The following XKR4 variants were observed in gnomAD, a reference collection of about 807,000 sequenced individuals.
XKR4 encodes XK related 4.
A neutral mutation model predicts 53.9 loss-of-function variants in XKR4; 12 were observed. The observed-to-expected ratio is 0.22, with a 90% confidence interval of 0.14 to 0.36. The LOEUF is 0.36. Among genes scored for constraint, XKR4 ranks in the 10% least tolerant of loss-of-function variants. The pLI, the probability that XKR4 is intolerant of heterozygous loss-of-function variation, is 1.00. For synonymous variants in XKR4, 354 were observed against 362.4 expected (o/e 0.98, Z 0.26); for missense variants, 799 against 859.5 (o/e 0.93, Z 0.88).
At chr8:55,103,867 A>C (rs867923050) in intron 1 of XKR4, among the ~76,000 whole-genome samples, 7 of 135,092 alleles carry the variant, frequency 5.2e-5, no homozygotes, top group Admixed American at 1.4e-4. Flanking sequence ...ATATATATAT[A>C]TATATATATA....
intron 2 of XKR4, among the ~76,000 whole-genome samples, chr8:55,519,828 T>C (rs1806774929): frequency 6.6e-6 from 1 of 152,332 alleles, no homozygotes; most frequent in Admixed American, 6.5e-5. Context: ...CCATAATGTA[T>C]GCATTTAATC....
At chr8:55,460,233 A>G (rs1252280335) in intron 2 of XKR4, among the ~76,000 whole-genome samples, 3 of 152,200 alleles carry the variant, frequency 2.0e-5, no homozygotes, top group African/African-American at 7.2e-5. Context: ...AGGCAAAACC[A>G]CAGTAACAGA....
Position 55,528,935 on chromosome 8 carries a change from C to G in XKR4, c.*4708C>G, listed in dbSNP as rs10504195. On this transcript the variant is annotated 3_prime_UTR_variant, in exon 3 of 3. Transcript: ENST00000327381. The stretch of plus-strand genomic sequence containing the variant: ...CAGGCCGTGAAATGCCCTGAGCATT[C>G]GAGTGGCATCCCTTCTCCTCACATA... 6.6e-6 allele frequency: 1 copy of G among 150,940 alleles called. No homozygotes were observed. The highest frequency in any genetic ancestry group is 1.5e-5 in the Non-Finnish European group (1 of 67,908). The allele number at this position is 150,940 out of a possible 1,614,324, so 9.4% of individuals were successfully genotyped here. A position where few individuals can be genotyped will look rare whatever the true frequency, so the allele number is the denominator to read the frequency against.
intron 1 of XKR4, among the ~76,000 whole-genome samples, chr8:55,205,797 G>T (rs1280741350): frequency 6.6e-6 from 1 of 152,178 alleles, no homozygotes; most frequent in African/African-American, 2.4e-5. Flanking sequence ...GTCCGGAATT[G>T]GTTCCCTCCG....
intron 2 of XKR4, chr8:55,454,487 A>T: frequency 8.2e-7 from 1 of 1,220,014 alleles, no homozygotes. Flanking sequence ...GGTGGCACAG[A>T]CCAAAGACAG....
intron 1 of XKR4, among the ~76,000 whole-genome samples, chr8:55,213,447 G>C (rs1350093379): frequency 6.6e-6 from 1 of 152,168 alleles, no homozygotes; most frequent in East Asian, 1.9e-4. Flanking sequence ...AGTATCTCGA[G>C]TACCAATCTT....
chr8:55,394,550 T>TGGAG (rs1476040355), intron 2 of XKR4, among the ~76,000 whole-genome samples: 1 of 152,212 alleles, frequency 6.6e-6, no homozygotes, highest in Non-Finnish European at 1.5e-5. Context: ...TACACATTGA[T>TGGAG]GGAGGGTATG....
intron 1 of XKR4, among the ~76,000 whole-genome samples, chr8:55,111,061 C>T (rs537881116): frequency 3.4e-4 from 51 of 152,168 alleles, no homozygotes; most frequent in Non-Finnish European, 5.7e-4. Flanking sequence ...AGTGATAAAG[C>T]TTATTTAAAG....
At chr8:55,444,405 C>A (rs1052053057) in intron 2 of XKR4, among the ~76,000 whole-genome samples, 3 of 151,998 alleles carry the variant, frequency 2.0e-5, no homozygotes, top group African/African-American at 7.2e-5. Flanking sequence ...CTTTTTCTTT[C>A]ATCAAAAGAC....
chr8:55,193,551 T>C (rs899022322), intron 1 of XKR4, among the ~76,000 whole-genome samples: 1 of 152,228 alleles, frequency 6.6e-6, no homozygotes, highest in Admixed American at 6.5e-5. Flanking sequence ...ACAGCTGCTC[T>C]CTGGGGTCCA....
intron 1 of XKR4, among the ~76,000 whole-genome samples, chr8:55,281,262 C>T (rs1305651823): frequency 6.6e-6 from 1 of 152,104 alleles, no homozygotes; most frequent in East Asian, 1.9e-4. Context: ...TACTGGTGCA[C>T]CTTAAATAAT....
rs1395356095 is a variant in XKR4 at position 55,272,904 on chromosome 8, G to A, written c.807-84774G>A. On this transcript the variant is annotated intron_variant, in intron 1 of 2. Transcript: ENST00000327381. ...CTCTAATAAATTATTCATGTCTGGA[G>A]ATATTTCAACTATTGGGTATAAACT... The A allele has an allele frequency of 6.6e-6, 3 of 454,184 alleles. No homozygotes were observed. The East Asian group carries it at 2.1e-4, about 32-fold the overall frequency. 28.1% of individuals were successfully genotyped at this position (454,184 alleles called of 1,614,324 possible). A position where few individuals can be genotyped will look rare whatever the true frequency, so the allele number is the denominator to read the frequency against.
At chr8:55,439,479 T>C (rs1235865474) in intron 2 of XKR4, among the ~76,000 whole-genome samples, 1 of 152,170 alleles carries the variant, frequency 6.6e-6, no homozygotes, top group Non-Finnish European at 1.5e-5. Context: ...ATAAAATAAG[T>C]ATTTTAAATA....
intron 1 of XKR4, among the ~76,000 whole-genome samples, chr8:55,269,725 G>T (rs894527118): frequency 6.6e-6 from 1 of 152,154 alleles, no homozygotes; most frequent in Non-Finnish European, 1.5e-5. Flanking sequence ...AATCAATTCC[G>T]CTGCCCAAAA....
At chr8:55,210,120 T>C (rs1817711405) in intron 1 of XKR4, among the ~76,000 whole-genome samples, 1 of 152,006 alleles carries the variant, frequency 6.6e-6, no homozygotes, top group Non-Finnish European at 1.5e-5. Flanking sequence ...GTTTCGCTTT[T>C]GTTGCCCAGG....
chr8:55,206,969 G>A (rs1817659481), intron 1 of XKR4, among the ~76,000 whole-genome samples: 1 of 152,232 alleles, frequency 6.6e-6, no homozygotes, highest in African/African-American at 2.4e-5. Flanking sequence ...CTGCCCCGCG[G>A]CATAGTCTGC....
chr8:55,206,850 A>G (rs930343065), intron 1 of XKR4, among the ~76,000 whole-genome samples: 2 of 152,248 alleles, frequency 1.3e-5, no homozygotes, highest in African/African-American at 4.8e-5. Context: ...GAAAGAATGT[A>G]AATTTTACTA....
chr8:55,292,372 G>A (rs564900582), intron 1 of XKR4, among the ~76,000 whole-genome samples: 2 of 152,076 alleles, frequency 1.3e-5, no homozygotes, highest in South Asian at 2.1e-4. Context: ...TTTCATATGG[G>A]TGAGTTATAG....
intron 1 of XKR4, among the ~76,000 whole-genome samples, chr8:55,244,678 C>G (rs972339561): frequency 1.3e-5 from 2 of 152,124 alleles, no homozygotes; most frequent in African/African-American, 4.8e-5. Context: ...GTACATTCCA[C>G]CAGCAGTGTA....
Sources: allele counts gnomAD v4.1 joint callset (sites outside exome capture counted in the v4.1 genomes callset), GRCh38; gene constraint gnomAD v4.1.1; transcripts MANE v1.5; gene names NCBI Gene and HGNC (gene_info 2026-07-23, HGNC 2026-07-21).